Variants in PLXNA4 observed in about 807,000 individuals in gnomAD.
PLXNA4 encodes the protein plexin A4.
Under a neutral mutation model 191.8 loss-of-function variants are expected in PLXNA4, and 44 were observed. The ratio of observed to expected loss-of-function variants is 0.23; its 90% CI spans 0.18 to 0.29. PLXNA4 has a LOEUF of 0.29. Ranked by LOEUF, PLXNA4 falls within the 10% of genes least tolerant of loss-of-function variation. The probability of loss-of-function intolerance (pLI) is 1.00; values close to 1 mark genes in which losing one functional copy is unlikely to be tolerated. For missense variants in PLXNA4, 1,800 were observed against 2,488.8 expected (o/e 0.72, Z 5.89); for synonymous variants, 1,082 against 1,009.5 (o/e 1.07, Z -1.36).
chr7:132,523,208 T>C (rs1799259569), intron 1 of PLXNA4, among the ~76,000 whole-genome samples: 1 of 151,996 alleles, frequency 6.6e-6, no homozygotes, highest in Non-Finnish European at 1.5e-5. Context: ...ACAAGAAAAA[T>C]AACTATTTTC....
chr7:132,615,790 C>G (rs888392835), intron 2 of PLXNA4, among the ~76,000 whole-genome samples: 1 of 151,996 alleles, frequency 6.6e-6, no homozygotes, highest in African/African-American at 2.4e-5. Flanking sequence ...TGCACACACA[C>G]ACTCATGCAC....
At chr7:132,305,012 G>T (rs936477328) in intron 3 of PLXNA4, among the ~76,000 whole-genome samples, 1 of 152,170 alleles carries the variant, frequency 6.6e-6, no homozygotes, top group African/African-American at 2.4e-5. Context: ...CACACTCTGG[G>T]CAAACCTCCT....
At chr7:132,397,657 C>A (rs527976822) in intron 3 of PLXNA4, among the ~76,000 whole-genome samples, 20 of 152,196 alleles carry the variant, frequency 1.3e-4, no homozygotes, top group Non-Finnish European at 2.6e-4. Context: ...TGTCAAATGC[C>A]CACTGTCTCT....
chr7:132,133,821 G>A (rs1418264881), intron 30 of PLXNA4, among the ~76,000 whole-genome samples: 4 of 152,118 alleles, frequency 2.6e-5, no homozygotes, highest in Non-Finnish European at 4.4e-5. Flanking sequence ...ACCAGAGGGG[G>A]GTTGCGCAGT....
intron 4 of PLXNA4, among the ~76,000 whole-genome samples, chr7:132,256,217 T>C (rs1799426734): frequency 6.6e-6 from 1 of 152,156 alleles, no homozygotes. Flanking sequence ...CCAGACACAA[T>C]TAAACATGGG....
intron 4 of PLXNA4, among the ~76,000 whole-genome samples, chr7:132,292,266 A>G (rs1216262149): frequency 6.6e-6 from 1 of 152,192 alleles, no homozygotes; most frequent in Non-Finnish European, 1.5e-5. Context: ...GTGTGGTATC[A>G]GGTAAATCAG....
chr7:132,339,906 C>G (rs56289193), intron 3 of PLXNA4, among the ~76,000 whole-genome samples: 18,604 of 152,196 alleles, frequency 0.12, 1,554 homozygotes, highest in Non-Finnish European at 0.19. Flanking sequence ...AGCACAGAAG[C>G]TGAACCTAAT....
At chr7:132,239,036 C>T (rs772394759) in intron 5 of PLXNA4, among the ~76,000 whole-genome samples, 47 of 152,178 alleles carry the variant, frequency 3.1e-4, no homozygotes, top group Non-Finnish European at 5.4e-4. Flanking sequence ...TGGGGGCAGG[C>T]GCCCAAAATT....
intron 2 of PLXNA4, among the ~76,000 whole-genome samples, chr7:132,619,616 T>G (rs1195457641): frequency 6.6e-6 from 1 of 152,244 alleles, no homozygotes; most frequent in African/African-American, 2.4e-5. Context: ...AAAGTGGCAA[T>G]GACTGTCTTA....
intron 1 of PLXNA4, among the ~76,000 whole-genome samples, chr7:132,561,782 G>A (rs776748713): frequency 2.3e-4 from 11 of 47,368 alleles, no homozygotes; most frequent in Non-Finnish European, 3.9e-4. Context: ...TCTCCCCCTC[G>A]TCCTTAACCT....
intron 25 of PLXNA4, among the ~76,000 whole-genome samples, chr7:132,149,633 C>T (rs572216200): frequency 8.5e-5 from 13 of 152,324 alleles, no homozygotes; most frequent in African/African-American, 2.9e-4. Flanking sequence ...AGAAGCCAGA[C>T]GTTTGGTTTC....
intron 31 of PLXNA4, among the ~76,000 whole-genome samples, chr7:132,132,480 C>A (rs1794984872): frequency 1.6e-5 from 1 of 61,408 alleles, no homozygotes; most frequent in Admixed American, 1.8e-4. Context: ...CTGCTCTGCT[C>A]TGCTCTGCTC....
chr7:132,404,579 A>G (rs1794132520), intron 3 of PLXNA4, among the ~76,000 whole-genome samples: 1 of 152,166 alleles, frequency 6.6e-6, no homozygotes, highest in Non-Finnish European at 1.5e-5. Context: ...GGTGACATGG[A>G]GGCCACACAC....
At chr7:132,481,640 T>C (rs1797340350) in intron 3 of PLXNA4, among the ~76,000 whole-genome samples, 1 of 152,236 alleles carries the variant, frequency 6.6e-6, no homozygotes, top group South Asian at 2.1e-4. Context: ...ACCTCTTTTC[T>C]GCCAGCCCCA....
At chr7:132,567,205 G>A (rs1280512506) in intron 1 of PLXNA4, among the ~76,000 whole-genome samples, 1 of 152,128 alleles carries the variant, frequency 6.6e-6, no homozygotes, top group African/African-American at 2.4e-5. Context: ...GAGGATGCTT[G>A]CAAAACTTAC....
At chr7:132,279,274 C>T (rs1488080605) in intron 4 of PLXNA4, among the ~76,000 whole-genome samples, 1 of 152,146 alleles carries the variant, frequency 6.6e-6, no homozygotes, top group South Asian at 2.1e-4. Context: ...TTGGGCTAGA[C>T]ACACAAATAC....
intron 3 of PLXNA4, 133 bp from the exon 4 acceptor site, chr7:132,298,355 G>A: frequency 8.1e-7 from 1 of 1,227,912 alleles, no homozygotes; most frequent in East Asian, 2.5e-5. Context: ...ACAGGCTAAA[G>A]CCAAGGAGTG....
intron 3 of PLXNA4, among the ~76,000 whole-genome samples, chr7:132,347,579 G>T (rs987973706): frequency 1.3e-5 from 2 of 152,186 alleles, no homozygotes; most frequent in African/African-American, 2.4e-5. Flanking sequence ...GTCCAAAATC[G>T]TTTGGTAGGA....
At chr7:132,410,722 G>A (rs1409827765) in intron 3 of PLXNA4, among the ~76,000 whole-genome samples, 1 of 152,192 alleles carries the variant, frequency 6.6e-6, no homozygotes, top group Non-Finnish European at 1.5e-5. Flanking sequence ...CCAAGGCGCT[G>A]GTGGGGAAGA....
Sources: allele counts gnomAD v4.1 joint callset (sites outside exome capture counted in the v4.1 genomes callset), GRCh38; gene constraint gnomAD v4.1.1; transcripts MANE v1.5; gene names NCBI Gene and HGNC (gene_info 2026-07-23, HGNC 2026-07-21).